The following ZBTB7C variants were observed in gnomAD, a reference collection of about 807,000 sequenced individuals.
ZBTB7C encodes the protein zinc finger and BTB domain-containing protein 7C.
ZBTB7C carries 8 observed loss-of-function variants against 25.7 expected under a neutral mutation model. The ratio of observed to expected loss-of-function variants is 0.31; its 90% CI spans 0.18 to 0.56. The LOEUF (loss-of-function observed/expected upper bound fraction) is 0.56, where lower values mean the gene tolerates loss of function less well. ZBTB7C is among the 20% of genes least tolerant of loss of function. ZBTB7C has a pLI of 0.91. For synonymous variants in ZBTB7C, 394 were observed against 369.0 expected (o/e 1.07, Z -0.78); for missense variants, 824 against 855.2 (o/e 0.96, Z 0.46).
chr18:48,345,543 G>A (rs1469546604), intron 1 of ZBTB7C, among the ~76,000 whole-genome samples: 2 of 151,820 alleles, frequency 1.3e-5, no homozygotes, highest in Non-Finnish European at 1.5e-5. Context: ...TACCAGCACC[G>A]CCCCCCACAC....
chr18:48,137,095 G>T (rs2040195213), intron 3 of ZBTB7C: 11 of 985,354 alleles, frequency 1.1e-5, no homozygotes, highest in Non-Finnish European at 1.3e-5. Flanking sequence ...CGGCCGCGCT[G>T]CTCGCGGGAG....
intron 2 of ZBTB7C, among the ~76,000 whole-genome samples, chr18:48,295,725 C>T (rs1252355499): frequency 3.3e-5 from 5 of 152,162 alleles, no homozygotes; most frequent in Admixed American, 1.3e-4. Context: ...CTGGAATTCA[C>T]AAGGAGCTGA....
At chr18:48,042,689 C>T (rs928574098) in intron 3 of ZBTB7C, among the ~76,000 whole-genome samples, 1 of 152,178 alleles carries the variant, frequency 6.6e-6, no homozygotes, top group Admixed American at 6.5e-5. Context: ...CTAAGCAATC[C>T]CACTGGCCAG....
intron 1 of ZBTB7C, among the ~76,000 whole-genome samples, chr18:48,363,678 C>T (rs2047160935): frequency 6.6e-6 from 1 of 152,108 alleles, no homozygotes; most frequent in Non-Finnish European, 1.5e-5. Flanking sequence ...CAGATGCTTT[C>T]CCGAGATGGA....
chr18:48,330,563 A>G (rs1434671169), intron 2 of ZBTB7C, among the ~76,000 whole-genome samples: 1 of 151,658 alleles, frequency 6.6e-6, no homozygotes, highest in South Asian at 2.1e-4. Flanking sequence ...AAAAAGTGAT[A>G]TGATGATGAT....
chr18:48,298,368 A>C (rs1255784334), intron 2 of ZBTB7C, among the ~76,000 whole-genome samples: 1 of 151,460 alleles, frequency 6.6e-6, no homozygotes, highest in African/African-American at 2.4e-5. Flanking sequence ...CTTTGAGGGC[A>C]CAGGCCTTTT....
intron 3 of ZBTB7C, among the ~76,000 whole-genome samples, chr18:48,103,995 A>G (rs2038940698): frequency 6.6e-6 from 1 of 152,170 alleles, no homozygotes; most frequent in East Asian, 1.9e-4. Context: ...TTTCAAGGTG[A>G]TGAATATGTC....
intron 3 of ZBTB7C, among the ~76,000 whole-genome samples, chr18:48,161,936 C>A (rs1282431791): frequency 6.6e-6 from 1 of 151,942 alleles, no homozygotes. Flanking sequence ...CACCCGCCCG[C>A]CTCCCCGGGA....
Position 48,162,603 on chromosome 18 carries a change from C to T in ZBTB7C, c.-17+23331G>A, listed in dbSNP as rs187957238. Among the ~76,000 whole-genome samples, 11 of 152,228 alleles carry T rather than the reference C, an allele frequency of 7.2e-5. No individual in the cohort carries two copies. The East Asian group carries it at 1.7e-3, about 24-fold the overall frequency. On this transcript the variant is annotated intron_variant, in intron 3 of 4. Transcript: ENST00000590800. ...ACGAGGGAGATCACATGGTATGGTC[C>T]AAGAGTCTTGGAGTTAGATGTGGGG...
chr18:48,345,635 G>C (rs1598917765), intron 1 of ZBTB7C, among the ~76,000 whole-genome samples: 1 of 152,134 alleles, frequency 6.6e-6, no homozygotes, highest in African/African-American at 2.4e-5. Flanking sequence ...TCTTCAGCAT[G>C]CTCCTTGGCA....
rs181147290 is a variant in ZBTB7C at position 48,066,839 on chromosome 18, C to T, written c.-16-25716G>A. Among the ~76,000 whole-genome samples the T allele has an allele frequency of 9.0e-3, 1,364 of 152,190 alleles. 14 individuals are homozygous for T. Among genetic ancestry groups the T allele is most frequent in the African/African-American group, 0.029 (1,199 of 41,504 alleles). On this transcript the variant is annotated intron_variant, in intron 3 of 4. Transcript: ENST00000590800. ...TAGCTCTGCCGGGTGTGGTGGCTCA[C>T]GCCTGTAATCCTAGCACTTTGGGAG...
At chr18:48,035,289 G>A (rs148029332) in intron 4 of ZBTB7C, among the ~76,000 whole-genome samples, 122 of 152,328 alleles carry the variant, frequency 8.0e-4, no homozygotes, top group African/African-American at 2.9e-3. Context: ...CACCCAGGAC[G>A]GTGTGCTCTA....
At chr18:48,328,717 T>C (rs570038907) in intron 2 of ZBTB7C, among the ~76,000 whole-genome samples, 2 of 152,078 alleles carry the variant, frequency 1.3e-5, no homozygotes, top group Non-Finnish European at 2.9e-5. Context: ...ACTCTTTCCA[T>C]ATACCACGTA....
In ZBTB7C at chr18:48,219,749, C is replaced by T. The variant is rs140971900; in HGVS notation, c.-78-33754G>A. Among the ~76,000 whole-genome samples the T allele has an allele frequency of 4.6e-5, 7 of 152,312 alleles. No homozygotes were observed. The East Asian group carries it at 5.8e-4, about 13-fold the overall frequency. On this transcript the variant is annotated intron_variant, in intron 2 of 4. Coordinates refer to ENST00000590800, the MANE Select transcript of ZBTB7C (RefSeq NM_001318841.2). Reference sequence around the variant, plus strand: ...GCAAGGAGTCTTGCATGCTGCATCTCGCATCCTTGGCCAGAGGGGATCAGA... The same window carrying T: ...GCAAGGAGTCTTGCATGCTGCATCTTGCATCCTTGGCCAGAGGGGATCAGA...
chr18:48,059,882 C>A (rs142034954), intron 3 of ZBTB7C, among the ~76,000 whole-genome samples: 4 of 152,294 alleles, frequency 2.6e-5, no homozygotes, highest in African/African-American at 9.6e-5. Context: ...TCCCCCCACC[C>A]GCCCAGGCAG....
intron 3 of ZBTB7C, among the ~76,000 whole-genome samples, chr18:48,099,826 C>T (rs1228533946): frequency 1.3e-5 from 2 of 152,242 alleles, no homozygotes; most frequent in Non-Finnish European, 2.9e-5. Context: ...TGTTAACGGC[C>T]TCAGTTGTCC....
At chr18:48,290,455 G>A (rs997088783) in intron 2 of ZBTB7C, among the ~76,000 whole-genome samples, 1 of 152,248 alleles carries the variant, frequency 6.6e-6, no homozygotes, top group Non-Finnish European at 1.5e-5. Flanking sequence ...CTTCCAGTCA[G>A]GTAGCTGCAG....
intron 3 of ZBTB7C, among the ~76,000 whole-genome samples, chr18:48,146,516 T>C (rs900324769): frequency 4.6e-5 from 7 of 152,124 alleles, no homozygotes; most frequent in Admixed American, 4.6e-4. Flanking sequence ...CACATACCTA[T>C]AAAAAATGCA....
intron 1 of ZBTB7C, among the ~76,000 whole-genome samples, chr18:48,361,259 C>T (rs938322035): frequency 6.6e-6 from 1 of 152,154 alleles, no homozygotes; most frequent in Non-Finnish European, 1.5e-5. Flanking sequence ...ATCTTGGCTT[C>T]TCAAAATGTT....
Sources: gnomAD v4.1 joint callset for allele counts (sites outside exome capture counted in the v4.1 genomes callset) on GRCh38, gnomAD v4.1.1 for gene constraint, MANE v1.5 for transcripts, NCBI Gene and HGNC (gene_info 2026-07-23, HGNC 2026-07-21) for gene names.